METTL24: variants seen among roughly 807,000 people sequenced by gnomAD.
The protein encoded by METTL24 is probable methyltransferase-like protein 24.
Under a neutral mutation model 32.7 loss-of-function variants are expected in METTL24, and 29 were observed. That is an observed-to-expected ratio of 0.89 (90% confidence interval 0.66 to 1.21). The LOEUF is 1.21. Among genes scored for constraint, METTL24 ranks in the 50% most tolerant of loss-of-function variants. The pLI, the probability that METTL24 is intolerant of heterozygous loss-of-function variation, is 0.00. For synonymous variants in METTL24, 163 were observed against 179.5 expected (o/e 0.91, Z 0.73); for missense variants, 439 against 468.1 (o/e 0.94, Z 0.57).
intron 4 of METTL24, among the ~76,000 whole-genome samples, chr6:110,248,306 A>G (rs1584099729): frequency 2.0e-5 from 3 of 152,208 alleles, no homozygotes; most frequent in African/African-American, 7.2e-5. Context: ...GGGTGATTTC[A>G]GAGTTGAATG....
chr6:110,316,409 T>C (rs989721296), intron 2 of METTL24, among the ~76,000 whole-genome samples: 1 of 152,238 alleles, frequency 6.6e-6, no homozygotes. Context: ...GTGGCCAAGA[T>C]ATTTACCTTA....
chr6:110,308,868 C>G (rs2114741313), intron 3 of METTL24, among the ~76,000 whole-genome samples: 1 of 152,230 alleles, frequency 6.6e-6, no homozygotes. Context: ...ATATTATATG[C>G]TTTTATTTAT....
chr6:110,298,798 T>TCTC lies in METTL24; in HGVS notation c.786+123_786+124insGAG, dbSNP rs1771466619. 4 of 744,418 alleles carry TCTC rather than the reference T, an allele frequency of 5.4e-6. No individual in the cohort carries two copies. In the South Asian group the frequency reaches 7.1e-5, roughly 13 times the overall value. 46.1% of individuals were successfully genotyped at this position (744,418 alleles called of 1,614,324 possible). ...TGACTCTATAAATAATGTTGGGTGA[T>TCTC]TAGTAAGATTAAAATCGGACCTTCA... On this transcript the variant is annotated intron_variant, in intron 4 of 4. Coordinates refer to ENST00000338882, the MANE Select transcript of METTL24 (RefSeq NM_001123364.3).
chr6:110,274,501 C>T (rs2114711477), intron 4 of METTL24, among the ~76,000 whole-genome samples: 1 of 152,156 alleles, frequency 6.6e-6, no homozygotes, highest in Admixed American at 6.5e-5. Flanking sequence ...ACTTTGGGGA[C>T]TCAGGAGAAA....
intron 1 of METTL24, among the ~76,000 whole-genome samples, chr6:110,338,650 C>A (rs1772287884): frequency 6.6e-6 from 1 of 152,204 alleles, no homozygotes; most frequent in Non-Finnish European, 1.5e-5. Flanking sequence ...GAATTTAAAA[C>A]ACTTCATTAA....
intron 1 of METTL24, among the ~76,000 whole-genome samples, chr6:110,325,709 AG>A (rs1232238741): frequency 1.3e-5 from 2 of 152,222 alleles, no homozygotes; most frequent in African/African-American, 2.4e-5. Context: ...GACACTTTGA[AG>A]GGTGAGAAAA....
At chr6:110,326,997 G>A (rs1388458611) in intron 1 of METTL24, among the ~76,000 whole-genome samples, 1 of 152,202 alleles carries the variant, frequency 6.6e-6, no homozygotes, top group Non-Finnish European at 1.5e-5. Context: ...CATTCATTCA[G>A]TGGGCATTTG....
At chr6:110,246,935 C>T (rs1778177192) in intron 4 of METTL24, among the ~76,000 whole-genome samples, 1 of 149,508 alleles carries the variant, frequency 6.7e-6, no homozygotes, top group African/African-American at 2.5e-5. Context: ...AATGTATATA[C>T]CAGTATAGCA....
intron 4 of METTL24, among the ~76,000 whole-genome samples, chr6:110,274,693 A>G (rs973291080): frequency 1.3e-5 from 2 of 151,972 alleles, no homozygotes; most frequent in African/African-American, 4.8e-5. Flanking sequence ...AATTGGTTGT[A>G]AAAATACAAC....
chr6:110,268,652 T>G (rs576512081), intron 4 of METTL24, among the ~76,000 whole-genome samples: 2 of 152,164 alleles, frequency 1.3e-5, no homozygotes, highest in Non-Finnish European at 2.9e-5. Context: ...ACCTCCTTGT[T>G]CCATGGACTT....
chr6:110,262,016 A>C (rs1471510252), intron 4 of METTL24, among the ~76,000 whole-genome samples: 2 of 152,340 alleles, frequency 1.3e-5, no homozygotes, highest in South Asian at 2.1e-4. Flanking sequence ...AGAAAGCAGG[A>C]AAGATCTAAA....
intron 4 of METTL24, among the ~76,000 whole-genome samples, chr6:110,247,758 A>T (rs1252071415): frequency 6.6e-6 from 1 of 152,160 alleles, no homozygotes; most frequent in African/African-American, 2.4e-5. Flanking sequence ...AAACAGATAA[A>T]CAACAAGACG....
intron 4 of METTL24, among the ~76,000 whole-genome samples, chr6:110,269,251 T>C (rs1438226004): frequency 6.6e-6 from 1 of 152,232 alleles, no homozygotes; most frequent in Non-Finnish European, 1.5e-5. Context: ...CTTACAGTAT[T>C]CTATCTACTT....
chr6:110,303,362 T>A (rs1562231335), intron 3 of METTL24, among the ~76,000 whole-genome samples: 1 of 151,950 alleles, frequency 6.6e-6, no homozygotes, highest in African/African-American at 2.4e-5. Context: ...AGACAAGTGG[T>A]CTTGCTCAGC....
Position 110,358,048 on chromosome 6 carries a change from G to A in METTL24, c.225C>T (p.Tyr75=), listed in dbSNP as rs1427765674. 1.8e-6 allele frequency: 2 copies of A among 1,096,320 alleles called. No individual in the cohort carries two copies. The highest frequency in any genetic ancestry group is 2.2e-6 in the Non-Finnish European group (2 of 902,982). The allele number at this position is 1,096,320 out of a possible 1,614,324, so 67.9% of individuals were successfully genotyped here. The change falls in exon 1 of 5, where the codon TAC becomes TAT. Residue 75 remains tyrosine, a synonymous_variant. Coordinates refer to ENST00000338882, the MANE Select transcript of METTL24 (RefSeq NM_001123364.3). ...PRGASRRQVT[Y]VRSGRRAPPG... is the part of the protein sequence containing the mutation. ...GCGGCGCCCGGCGACCGCTGCGCAC[G>A]TAGGTCACCTGCCTCCTGCTGGCGC...
intron 1 of METTL24, among the ~76,000 whole-genome samples, chr6:110,341,477 A>C (rs1362363200): frequency 1.3e-5 from 2 of 152,250 alleles, no homozygotes; most frequent in Non-Finnish European, 2.9e-5. Flanking sequence ...TCACTATTCA[A>C]AAGGACATGC....
intron 4 of METTL24, among the ~76,000 whole-genome samples, chr6:110,271,640 T>TA (rs1770959967): frequency 6.6e-6 from 1 of 152,194 alleles, no homozygotes; most frequent in Non-Finnish European, 1.5e-5. Context: ...ATAGTCCATG[T>TA]AAAAAATCTA....
chr6:110,251,950 C>T (rs888644585), intron 4 of METTL24, among the ~76,000 whole-genome samples: 1 of 152,144 alleles, frequency 6.6e-6, no homozygotes, highest in African/African-American at 2.4e-5. Flanking sequence ...TCGAGACCAG[C>T]CTAGCCAACA....
intron 4 of METTL24, among the ~76,000 whole-genome samples, chr6:110,290,121 G>A (rs1281186704): frequency 3.3e-5 from 5 of 150,752 alleles, no homozygotes; most frequent in African/African-American, 7.5e-5. Context: ...TTGCCATGTT[G>A]TCCAGGCTGG....
Sources: allele counts gnomAD v4.1 joint callset (sites outside exome capture counted in the v4.1 genomes callset), GRCh38; gene constraint gnomAD v4.1.1; transcripts MANE v1.5; gene names NCBI Gene and HGNC (gene_info 2026-07-23, HGNC 2026-07-21).